The following AAR2 variants were observed in gnomAD, a reference collection of about 807,000 sequenced individuals.
The protein encoded by AAR2 is AAR2 splicing factor.
AAR2 carries 31 observed loss-of-function variants against 26.9 expected under a neutral mutation model. That is an observed-to-expected ratio of 1.15 (90% CI 0.86 to 1.55). AAR2 has a LOEUF of 1.55. Ranked by LOEUF, AAR2 falls within the 40% of genes most tolerant of loss-of-function variation. The probability of loss-of-function intolerance (pLI) is 0.00; values close to 1 mark genes in which losing one functional copy is unlikely to be tolerated. For missense variants in AAR2, 430 were observed against 491.3 expected (o/e 0.88, Z 1.18); for synonymous variants, 188 against 196.1 (o/e 0.96, Z 0.34).
At chr20:36,244,252 G>A (rs985096705) in intron 2 of AAR2, among the ~76,000 whole-genome samples, 4 of 152,166 alleles carry the variant, frequency 2.6e-5, no homozygotes, top group South Asian at 2.1e-4. Flanking sequence ...GAGCTTGTTA[G>A]AGCTACAGAT....
chr20:36,245,073 CT>C, intron 3 of AAR2, 147 bp downstream of exon 3: 1 of 752,860 alleles, frequency 1.3e-6, no homozygotes, highest in Non-Finnish European at 2.2e-6. Context: ...TTTTCTCTCT[CT>C]TACTCAATTG....
At chr20:36,254,165 C>T (rs981169245) in intron 3 of AAR2, among the ~76,000 whole-genome samples, 8 of 152,112 alleles carry the variant, frequency 5.3e-5, no homozygotes, top group Admixed American at 6.5e-5. Context: ...GCATTATTCA[C>T]GATAGCCAGA....
At chr20:36,250,598 T>C (rs1034639757) in intron 3 of AAR2, among the ~76,000 whole-genome samples, 5 of 152,090 alleles carry the variant, frequency 3.3e-5, no homozygotes, top group African/African-American at 1.2e-4. Flanking sequence ...TGGTCAAAAA[T>C]AGACCAGGAA....
chr20:36,242,827 A>T (rs1221468432), intron 2 of AAR2, among the ~76,000 whole-genome samples: 2 of 151,416 alleles, frequency 1.3e-5, no homozygotes, highest in Non-Finnish European at 2.9e-5. Flanking sequence ...TCTTGCGAAA[A>T]GGTCTGTTAC....
intron 1 of AAR2, among the ~76,000 whole-genome samples, chr20:36,239,589 T>C (rs1460089367): frequency 6.6e-6 from 1 of 152,198 alleles, no homozygotes; most frequent in Non-Finnish European, 1.5e-5. Context: ...TTTCTTTCAC[T>C]GGTATCTTAT....
In AAR2 at chr20:36,255,831, C is replaced by A; in HGVS notation, c.*86C>A. The A allele has an allele frequency of 6.7e-7, 1 of 1,487,902 alleles. No individual in the cohort carries two copies. The highest frequency in any genetic ancestry group is 9.1e-7 in the Non-Finnish European group (1 of 1,098,094). 92.2% of individuals were successfully genotyped at this position (1,487,902 alleles called of 1,614,324 possible). On this transcript the variant is annotated 3_prime_UTR_variant, in exon 4 of 4. Transcript: ENST00000320849. ...CCATTTACTTCTTCCCATCCTGGGA[C>A]CTGCCAGGGCAGCAATCTCTCCAGG...
At chr20:36,239,263 C>G in intron 1 of AAR2, among the ~76,000 whole-genome samples, 1 of 152,156 alleles carries the variant, frequency 6.6e-6, no homozygotes, top group East Asian at 1.9e-4. Context: ...AGACCCTGAA[C>G]AAACTTTAGA....
chr20:36,244,616 C>A, intron 2 of AAR2, 81 bp from the exon 3 acceptor site: 1 of 1,361,714 alleles, frequency 7.3e-7, no homozygotes, highest in Non-Finnish European at 1.0e-6. Flanking sequence ...CAGTGGAATT[C>A]ATGGCCTTGT....
rs1026585745 is a variant in AAR2, at chr20:36,239,296, G to A, written c.-48-525G>A. Among the ~76,000 whole-genome samples, 15 of 152,324 alleles carry A rather than the reference G, an allele frequency of 9.8e-5. No homozygotes were observed. In the South Asian group the frequency reaches 1.9e-3, roughly 19 times the overall value. ...AGATGCTGAGCCTCCACTTGCTACC[G>A]TCTGTCCATTTCTGGGCCTTCCCTG... On this transcript the variant is annotated intron_variant, in intron 1 of 3. Transcript: ENST00000320849.
At chr20:36,252,351 C>T (rs1272169888) in intron 3 of AAR2, among the ~76,000 whole-genome samples, 2 of 152,096 alleles carry the variant, frequency 1.3e-5, no homozygotes, top group African/African-American at 2.4e-5. Context: ...GTGTGTCGGG[C>T]GCTGTGCCGA....
intron 3 of AAR2, among the ~76,000 whole-genome samples, chr20:36,250,306 T>C (rs1258805078): frequency 6.6e-6 from 1 of 152,252 alleles, no homozygotes; most frequent in Non-Finnish European, 1.5e-5. Context: ...AATGCATTTG[T>C]TTGCAAAATA....
chr20:36,239,369 T>A (rs1380679879), intron 1 of AAR2, among the ~76,000 whole-genome samples: 1 of 152,240 alleles, frequency 6.6e-6, no homozygotes, highest in African/African-American at 2.4e-5. Context: ...TTTCCAAATC[T>A]TTTGGGATAG....
At chr20:36,246,613 C>T (rs1332159137) in intron 3 of AAR2, among the ~76,000 whole-genome samples, 2 of 152,196 alleles carry the variant, frequency 1.3e-5, no homozygotes, top group African/African-American at 2.4e-5. Flanking sequence ...CACGTTGATG[C>T]GTCGCACAGA....
intron 1 of AAR2, 104 bp from the exon 2 acceptor site, chr20:36,239,717 A>AT: frequency 1.1e-6 from 1 of 872,418 alleles, no homozygotes; most frequent in Non-Finnish European, 1.7e-6. Flanking sequence ...AAGGGAAATA[A>AT]TTATGTCAGG....
intron 3 of AAR2, 149 bp from the exon 4 acceptor site, chr20:36,255,429 G>A (rs186160310): frequency 4.6e-5 from 40 of 872,584 alleles, no homozygotes; most frequent in Non-Finnish European, 6.3e-5. Flanking sequence ...TCTTGGTTTG[G>A]GGGGAGCATA....
Position 36,256,378 on chromosome 20 carries a change from G to A in AAR2, c.*633G>A, listed in dbSNP as rs1424299557. The stretch of plus-strand genomic sequence containing the variant: ...CGAAATCCCATTCTCCTGTCCAGAG[G>A]CCCAGTGGGTCATCTCCCAAGGTGG... On this transcript the variant is annotated 3_prime_UTR_variant, in exon 4 of 4. Coordinates refer to ENST00000320849, the MANE Select transcript of AAR2 (RefSeq NM_001271874.2). 1 of 152,278 alleles carries A rather than the reference G, an allele frequency of 6.6e-6. No homozygotes were observed. Among genetic ancestry groups the A allele is most frequent in the African/African-American group, 2.4e-5 (1 of 41,430 alleles). The allele number at this position is 152,278 out of a possible 1,614,324, so 9.4% of individuals were successfully genotyped here.
At position 36,244,701 on chromosome 20, in the gene AAR2, A is replaced by T; in HGVS notation, c.762A>T (p.Glu254Asp). Residue 254 changes from glutamate (E) to aspartate (D), a missense_variant, in exon 3 of 4, where the codon GAA (glutamate) becomes GAT (aspartate). Coordinates refer to ENST00000320849, the MANE Select transcript of AAR2 (RefSeq NM_001271874.2). ...FPSSPQDVLGELQFAFVCFLL... is the reference protein window; with the variant it reads ...FPSSPQDVLGDLQFAFVCFLL... ...TCTCCTCTCTGCACCTTTCAGGTGA[A>T]CTCCAGTTTGCTTTTGTGTGCTTCC... 1 of 1,613,988 alleles carries T rather than the reference A, an allele frequency of 6.2e-7. No homozygotes were observed. Among genetic ancestry groups the T allele is most frequent in the Non-Finnish European group, 8.5e-7 (1 of 1,180,000 alleles).
intron 3 of AAR2, 131 bp from the exon 4 acceptor site, chr20:36,255,447 T>C: frequency 9.6e-7 from 1 of 1,040,910 alleles, no homozygotes; most frequent in South Asian, 1.5e-5. Context: ...ATAGCAGGTG[T>C]CCTGGGCCTA....
chr20:36,255,874 C>T lies in AAR2; in HGVS notation c.*129C>T. The T allele has an allele frequency of 8.6e-7, 1 of 1,165,574 alleles. No homozygotes were observed. Among genetic ancestry groups the T allele is most frequent in the Non-Finnish European group, 1.2e-6 (1 of 843,386 alleles). The allele number at this position is 1,165,574 out of a possible 1,614,324, so 72.2% of individuals were successfully genotyped here. A position where few individuals can be genotyped will look rare whatever the true frequency, so the allele number is the denominator to read the frequency against. The stretch of plus-strand genomic sequence containing the variant: ...TCTCCAGGTCCTGCAAAGATGGAGC[C>T]AGAATTCCCTTTTTCACTGATAAAT... On this transcript the variant is annotated 3_prime_UTR_variant, in exon 4 of 4. Coordinates refer to ENST00000320849, the MANE Select transcript of AAR2 (RefSeq NM_001271874.2).
Sources: allele counts gnomAD v4.1 joint callset (sites outside exome capture counted in the v4.1 genomes callset), GRCh38; gene constraint gnomAD v4.1.1; transcripts MANE v1.5; gene names NCBI Gene and HGNC (gene_info 2026-07-23, HGNC 2026-07-21).